LIMK2: variants seen among roughly 807,000 people sequenced by gnomAD.
The protein encoded by LIMK2 is LIM domain kinase 2.
In LIMK2, 35 loss-of-function variants were observed where a neutral mutation model predicts 75.7. The ratio of observed to expected loss-of-function variants is 0.46; its 90% CI spans 0.35 to 0.61. The LOEUF (loss-of-function observed/expected upper bound fraction) is 0.61. LIMK2 is among the 20% of genes least tolerant of loss of function. The pLI is 0.00. For missense variants in LIMK2, 623 were observed against 831.0 expected, an observed-to-expected ratio of 0.75 and a Z score of 3.08; for synonymous variants, 301 against 319.2, an observed-to-expected ratio of 0.94 and a Z score of 0.61.
At chr22:31,274,637 G>A (rs1299647023) in intron 14 of LIMK2, among the ~76,000 whole-genome samples, 3 of 152,188 alleles carry the variant, frequency 2.0e-5, no homozygotes, top group African/African-American at 7.2e-5. Flanking sequence ...CTGACCTCAG[G>A]TGATCCACCC....
chr22:31,213,156 A>G (rs1400694093), intron 1 of LIMK2, among the ~76,000 whole-genome samples: 3 of 152,090 alleles, frequency 2.0e-5, no homozygotes, highest in African/African-American at 7.2e-5. Context: ...TCTCTAGACT[A>G]AAGACTAGAG....
At chr22:31,227,859 G>A (rs747253815) in intron 2 of LIMK2, among the ~76,000 whole-genome samples, 4 of 152,178 alleles carry the variant, frequency 2.6e-5, no homozygotes, top group Non-Finnish European at 5.9e-5. Flanking sequence ...TTCAGAACTA[G>A]AAGAAACCAC....
At chr22:31,258,955 A>G (rs532155841) in intron 3 of LIMK2, 166 bp from the exon 4 acceptor site, 4 of 564,144 alleles carry the variant, frequency 7.1e-6, no homozygotes, top group African/African-American at 5.6e-5. Context: ...GACAGGAGGT[A>G]CCAATCTGAC....
chr22:31,245,046 T>C (rs776062307), intron 2 of LIMK2, among the ~76,000 whole-genome samples: 1 of 152,226 alleles, frequency 6.6e-6, no homozygotes, highest in Non-Finnish European at 1.5e-5. Context: ...AATTCATTCA[T>C]ACAAGTAGTG....
At chr22:31,265,798 T>A (rs1411153821) in intron 7 of LIMK2, 148 bp from the exon 8 acceptor site, 2 of 631,094 alleles carry the variant, frequency 3.2e-6, no homozygotes, top group Admixed American at 5.8e-5. Context: ...AAATGATACA[T>A]CTGATGTAAG....
rs1258484057 is a variant in LIMK2, at chr22:31,279,129, CTT to C, written c.*689_*690del. ...GAAGCCTCCACCTCATGTTTTCAAA[CTT>C]AATACTGGAGACTGGCTGAGAACTT... On this transcript the variant is annotated 3_prime_UTR_variant, in exon 16 of 16. Coordinates refer to ENST00000331728, the MANE Select transcript of LIMK2 (RefSeq NM_005569.4). The C allele has an allele frequency of 6.6e-6, 1 of 152,222 alleles. No homozygotes were observed. Among genetic ancestry groups the C allele is most frequent in the Non-Finnish European group, 1.5e-5 (1 of 68,042 alleles). 9.4% of individuals were successfully genotyped at this position (152,222 alleles called of 1,614,324 possible). A position where few individuals can be genotyped will look rare whatever the true frequency, so the allele number is the denominator to read the frequency against.
intron 5 of LIMK2, 105 bp downstream of exon 5, chr22:31,260,182 T>C: frequency 1.1e-6 from 1 of 914,524 alleles, no homozygotes; most frequent in African/African-American, 1.7e-5. Context: ...CCCTTTATTC[T>C]CATCTCATAT....
At chr22:31,222,120 G>C (rs551556025) in intron 1 of LIMK2, among the ~76,000 whole-genome samples, 2 of 151,938 alleles carry the variant, frequency 1.3e-5, no homozygotes, top group African/African-American at 4.8e-5. Flanking sequence ...GCCCAGGCTG[G>C]AGTGCAATGG....
In LIMK2 at chr22:31,276,460, G is replaced by A. The variant is rs1284513895; in HGVS notation, c.1772+1152G>A. 5.4e-5 allele frequency among the ~76,000 whole-genome samples: 8 copies of A among 149,376 alleles called. No individual in the cohort carries two copies. The East Asian group carries it at 1.2e-3, about 22-fold the overall frequency. On this transcript the variant is annotated intron_variant, in intron 15 of 15. Transcript: ENST00000331728. ...CGGATAGAGAAAGCGCTTCGGCGGC[G>A]GCAGCCCCGGCGGCGGCCGCAGGGG...
chr22:31,220,262 A>C lies in LIMK2; in HGVS notation c.17-5458A>C, dbSNP rs79487163. On this transcript the variant is annotated intron_variant, in intron 1 of 15. Transcript: ENST00000331728. ...AAAGCAGTGTGAATGCATAACAGGT[A>C]AACTGAGGCCAGGTTTATCCACATG... 4.7e-3 allele frequency among the ~76,000 whole-genome samples: 715 copies of C among 152,330 alleles called. 6 individuals are homozygous for C. Among genetic ancestry groups the C allele is most frequent in the Middle Eastern group, 0.01 (3 of 294 alleles).
Position 31,246,196 on chromosome 22 carries a change from C to T in LIMK2, c.117-12095C>T, listed in dbSNP as rs1381177724. On this transcript the variant is annotated intron_variant, in intron 2 of 15. Transcript: ENST00000331728. ...ACACGCACGCACGCACACACACACA[C>T]ACACACACACACACACACACGCTGG... Among the ~76,000 whole-genome samples the T allele has an allele frequency of 2.0e-5, 3 of 150,348 alleles. No homozygotes were observed. In the East Asian group the frequency reaches 5.9e-4, roughly 30 times the overall value.
intron 2 of LIMK2, among the ~76,000 whole-genome samples, chr22:31,241,568 G>A (rs1042446271): frequency 3.0e-4 from 45 of 152,100 alleles, no homozygotes; most frequent in African/African-American, 9.9e-4. Flanking sequence ...TCTGGGAAGG[G>A]TTCCTTCAAT....
At chr22:31,274,512 TG>T (rs1379240805) in intron 14 of LIMK2, among the ~76,000 whole-genome samples, 12 of 152,172 alleles carry the variant, frequency 7.9e-5, no homozygotes, top group Admixed American at 5.9e-4. Context: ...GCAATCCTCC[TG>T]CCTCAGCCTC....
rs530693096 is a variant in LIMK2, at chr22:31,266,191, T to C, written c.1041+59T>C. On this transcript the variant is annotated intron_variant, in intron 8 of 15. Coordinates refer to ENST00000331728, the MANE Select transcript of LIMK2 (RefSeq NM_005569.4). The stretch of plus-strand genomic sequence containing the variant: ...CCCCCAGTCCCTCTGTCACTGTCTT[T>C]CGGGGATTTCTCATCACTTGGCCCC... 1.8e-5 allele frequency: 28 copies of C among 1,548,066 alleles called. No individual in the cohort carries two copies. In the East Asian group the frequency reaches 4.5e-4, roughly 25 times the overall value.
At chr22:31,270,523 A>C (rs1026784552) in intron 11 of LIMK2, among the ~76,000 whole-genome samples, 2 of 152,184 alleles carry the variant, frequency 1.3e-5, no homozygotes, top group Non-Finnish European at 2.9e-5. Flanking sequence ...CAAGGGAAGG[A>C]GAAAGGAAGT....
chr22:31,277,026 T>A, intron 15 of LIMK2: 1 of 1,613,960 alleles, frequency 6.2e-7, no homozygotes. Flanking sequence ...ATGCCTGGGC[T>A]TCCAGGGTCA....
intron 11 of LIMK2, among the ~76,000 whole-genome samples, chr22:31,269,950 T>C (rs550943435): frequency 6.6e-6 from 1 of 150,400 alleles, no homozygotes; most frequent in South Asian, 2.1e-4. Flanking sequence ...GAGAGACTGG[T>C]TGGCAATGAG....
chr22:31,271,161 T>A lies in LIMK2; in HGVS notation c.1343T>A (p.Ile448Asn). ...GCCTATTTGCACTCTATGTGCATCATCCACCGGGATCTGAACTCGCACAAC... is the reference window on the plus strand; with the variant it reads ...GCCTATTTGCACTCTATGTGCATCAACCACCGGGATCTGAACTCGCACAAC... The part of the protein sequence containing the change: ...GMAYLHSMCI[I>N]HRDLNSHNCL... Residue 448 changes from isoleucine to asparagine, a missense_variant, in exon 12 of 16, where the codon ATC becomes AAC. Ile to Asn is a moderately radical substitution (Grantham distance 149). Around this residue, in one of 3 missense-constraint regions of LIMK2, gnomAD observed 514 missense variants for 661.3 expected, o/e 0.78. Coordinates refer to ENST00000331728, the MANE Select transcript of LIMK2 (RefSeq NM_005569.4). 1 of 1,614,112 alleles carries A rather than the reference T, an allele frequency of 6.2e-7. No homozygotes were observed. The highest frequency in any genetic ancestry group is 1.1e-5 in the South Asian group (1 of 91,078).
chr22:31,266,170 C>T (rs2048893677), intron 8 of LIMK2, 38 bp downstream of exon 8: 2 of 1,598,406 alleles, frequency 1.3e-6, no homozygotes, highest in Non-Finnish European at 1.7e-6. Flanking sequence ...CTTCTGCCCC[C>T]AGTCCCTCTG....
Sources: gnomAD v4.1 joint callset for allele counts (sites outside exome capture counted in the v4.1 genomes callset) on GRCh38, gnomAD v4.1.1 for gene constraint, gnomAD v4.1.1 regional missense constraint, MANE v1.5 for transcripts, NCBI Gene and HGNC (gene_info 2026-07-23, HGNC 2026-07-21) for gene names.